Variants in PRKG1 observed in about 807,000 individuals in gnomAD.
PRKG1 encodes protein kinase cGMP-dependent 1, also known as cGMP-dependent protein kinase 1.
In PRKG1, 35 loss-of-function variants were observed where a neutral mutation model predicts 88.1. The observed-to-expected ratio is 0.40, with a 90% confidence interval of 0.30 to 0.53. The LOEUF (loss-of-function observed/expected upper bound fraction) is 0.53, where lower values mean the gene tolerates loss of function less well. Among genes scored for constraint, PRKG1 ranks in the 20% least tolerant of loss-of-function variants. The pLI is 0.59. For missense variants in PRKG1, 540 were observed against 839.8 expected (o/e 0.64, Z 4.41); for synonymous variants, 303 against 292.5 (o/e 1.04, Z -0.37).
chr10:51,757,268 A>T (rs1388520070), intron 3 of PRKG1, among the ~76,000 whole-genome samples: 1 of 151,818 alleles, frequency 6.6e-6, no homozygotes, highest in Admixed American at 6.6e-5. Flanking sequence ...CATCCAGCTA[A>T]TTTTTTTGTA....
chr10:51,851,903 T>G (rs993460934), intron 4 of PRKG1, among the ~76,000 whole-genome samples: 1 of 152,044 alleles, frequency 6.6e-6, no homozygotes, highest in Non-Finnish European at 1.5e-5. Flanking sequence ...TTCTGCAGGC[T>G]TTTGTGGCCT....
chr10:51,744,406 T>A (rs1199502320), intron 3 of PRKG1, among the ~76,000 whole-genome samples: 1 of 151,432 alleles, frequency 6.6e-6, no homozygotes, highest in Non-Finnish European at 1.5e-5. Flanking sequence ...GCTTTTTAGC[T>A]GAGGAAACCT....
At chr10:51,916,378 A>T (rs1229476836) in intron 5 of PRKG1, among the ~76,000 whole-genome samples, 1 of 152,230 alleles carries the variant, frequency 6.6e-6, no homozygotes, top group Admixed American at 6.5e-5. Flanking sequence ...CGGCAACATC[A>T]GGAAGTTACC....
Position 50,991,259 on chromosome 10 carries a change from T to G in PRKG1, c.-120T>G, listed in dbSNP as rs1002927011. ...GCGCACTCCGCCGCGCTCGAGTACTTAGCGCCCATTCACTCGCTCACCCGC... is the reference window on the plus strand; with the variant it reads ...GCGCACTCCGCCGCGCTCGAGTACTGAGCGCCCATTCACTCGCTCACCCGC... On this transcript the variant is annotated 5_prime_UTR_variant, in exon 1 of 18. Transcript: ENST00000401604. The surrounding 1 kb of genome is among the most constrained non-coding windows in gnomAD (Gnocchi z 4.5). 30 of 1,385,640 alleles carry G rather than the reference T, an allele frequency of 2.2e-5. 1 individual carries two copies. Among genetic ancestry groups the G allele is most frequent in the Admixed American group, 2.0e-4 (7 of 34,532 alleles). 85.8% of individuals were successfully genotyped at this position (1,385,640 alleles called of 1,614,324 possible).
At chr10:51,537,508 G>A (rs952969263) in intron 3 of PRKG1, among the ~76,000 whole-genome samples, 2 of 152,086 alleles carry the variant, frequency 1.3e-5, no homozygotes, top group Admixed American at 6.6e-5. Flanking sequence ...CAAGGCAGGC[G>A]GATCACAAGA....
intron 9 of PRKG1, among the ~76,000 whole-genome samples, chr10:52,176,004 GTTTA>G (rs547732265): frequency 2.4e-4 from 36 of 151,918 alleles, no homozygotes; most frequent in Admixed American, 2.2e-3. Context: ...ACTGATATAA[GTTTA>G]TTTGTTTATT....
chr10:51,160,482 C>T (rs1589207722), intron 2 of PRKG1, among the ~76,000 whole-genome samples: 1 of 152,232 alleles, frequency 6.6e-6, no homozygotes, highest in Non-Finnish European at 1.5e-5. Context: ...GTATGTGAAA[C>T]TTCAAATTTG....
chr10:51,640,339 G>A (rs891860813), intron 3 of PRKG1, among the ~76,000 whole-genome samples: 2 of 152,192 alleles, frequency 1.3e-5, no homozygotes, highest in African/African-American at 4.8e-5. Flanking sequence ...AGAATCTGAA[G>A]CTACCAGAGG....
intron 2 of PRKG1, among the ~76,000 whole-genome samples, chr10:51,434,309 T>C (rs1441174919): frequency 2.0e-5 from 3 of 152,076 alleles, no homozygotes; most frequent in African/African-American, 2.4e-5. Flanking sequence ...GTTCATCATG[T>C]TCACAGTAAA....
chr10:51,475,476 A>G lies in PRKG1; in HGVS notation c.592+7640A>G, dbSNP rs943774578. ...GCCCAGTTAGTGTTAACCTACACAT[A>G]TGCATACTATCATGTTCATCAAATT... On this transcript the variant is annotated intron_variant, in intron 3 of 17. Transcript: ENST00000373980. 2.0e-5 allele frequency among the ~76,000 whole-genome samples: 3 copies of G among 152,030 alleles called. 1 individual carries two copies. In the South Asian group the frequency reaches 6.2e-4, roughly 32 times the overall value.
chr10:52,293,579 T>A (rs1173710986), intron 17 of PRKG1, among the ~76,000 whole-genome samples: 1 of 152,140 alleles, frequency 6.6e-6, no homozygotes, highest in Non-Finnish European at 1.5e-5. Context: ...TTAGTGATTA[T>A]TTGTTTTAAT....
At chr10:51,652,273 T>G (rs1840057420) in intron 3 of PRKG1, among the ~76,000 whole-genome samples, 1 of 151,966 alleles carries the variant, frequency 6.6e-6, no homozygotes, top group African/African-American at 2.4e-5. Context: ...ATATTTTTTG[T>G]TTAAGGAAAT....
At chr10:51,421,891 C>G (rs293322) in intron 2 of PRKG1, among the ~76,000 whole-genome samples, 116,423 of 152,110 alleles carry the variant, frequency 0.77, 45,107 homozygotes, top group Non-Finnish European at 0.84. Flanking sequence ...TGATACTGAA[C>G]AAGTCACTTA....
intron 4 of PRKG1, among the ~76,000 whole-genome samples, chr10:51,829,672 A>C (rs893934842): frequency 6.6e-6 from 1 of 152,042 alleles, no homozygotes; most frequent in Non-Finnish European, 1.5e-5. Flanking sequence ...ATACACGTGA[A>C]CACACACACA....
At position 51,845,426 on chromosome 10, in the gene PRKG1, C is replaced by T. The variant is rs1840373212; in HGVS notation, c.698+40736C>T. Among the ~76,000 whole-genome samples, 3 of 152,258 alleles carry T rather than the reference C, an allele frequency of 2.0e-5. No homozygotes were observed. In the South Asian group the frequency reaches 6.2e-4, roughly 32 times the overall value. ...TTGACATTCTTCATTAAAAGCAACACCACCAACAACTGTCAATTTGAATCT... is the reference window on the plus strand; with the variant it reads ...TTGACATTCTTCATTAAAAGCAACATCACCAACAACTGTCAATTTGAATCT... On this transcript the variant is annotated intron_variant, in intron 4 of 17. Coordinates refer to ENST00000373980, the MANE Select transcript of PRKG1 (RefSeq NM_006258.4).
intron 3 of PRKG1, among the ~76,000 whole-genome samples, chr10:51,468,285 CATT>C (rs1392501201): frequency 6.6e-6 from 1 of 151,780 alleles, no homozygotes; most frequent in African/African-American, 2.4e-5. Context: ...ATTCAAACAT[CATT>C]GAGTAAGATA....
intron 3 of PRKG1, among the ~76,000 whole-genome samples, chr10:51,706,112 G>A (rs1418643455): frequency 2.0e-5 from 3 of 152,156 alleles, no homozygotes; most frequent in Admixed American, 6.6e-5. Context: ...CAATTTGCAG[G>A]ACTATAGTTA....
chr10:51,859,242 G>C (rs1840803659), intron 4 of PRKG1, among the ~76,000 whole-genome samples: 2 of 152,276 alleles, frequency 1.3e-5, no homozygotes, highest in East Asian at 1.9e-4. Context: ...ATTCTGCATA[G>C]AATTATAGAC....
intron 2 of PRKG1, among the ~76,000 whole-genome samples, chr10:51,418,906 CTA>C (rs2132702763): frequency 6.6e-6 from 1 of 152,226 alleles, no homozygotes; most frequent in African/African-American, 2.4e-5. Flanking sequence ...ATGGGAAAGA[CTA>C]TTGTTTAGGA....
Sources: gnomAD v4.1 joint callset for allele counts (sites outside exome capture counted in the v4.1 genomes callset) on GRCh38, gnomAD v4.1.1 for gene constraint, Gnocchi (gnomAD v3.1) non-coding constraint, MANE v1.5 for transcripts, NCBI Gene and HGNC (gene_info 2026-07-23, HGNC 2026-07-21) for gene names.